Variants in SIRT5 observed in about 807,000 individuals in gnomAD.
SIRT5 encodes sirtuin 5.
A neutral mutation model predicts 40.0 loss-of-function variants in SIRT5; 26 were observed. The ratio of observed to expected loss-of-function variants is 0.65; its 90% confidence interval spans 0.48 to 0.90. The LOEUF (loss-of-function observed/expected upper bound fraction) is 0.90, where lower values mean the gene tolerates loss of function less well. SIRT5 is among the 40% of genes least tolerant of loss of function. The probability of loss-of-function intolerance (pLI) is 0.00; values close to 1 mark genes in which losing one functional copy is unlikely to be tolerated. For missense variants in SIRT5, 401 were observed against 402.4 expected, an observed-to-expected ratio of 1.00 and a Z score of 0.03; for synonymous variants, 146 against 149.1, an observed-to-expected ratio of 0.98 and a Z score of 0.15.
chr6:13,593,260 G>A (rs377596743), intron 5 of SIRT5, among the ~76,000 whole-genome samples: 2 of 152,166 alleles, frequency 1.3e-5, no homozygotes, highest in East Asian at 1.9e-4. Flanking sequence ...CACCAGTCGG[G>A]GGTGTTTGTT....
At chr6:13,608,719 T>C (rs1180589329) in intron 9 of SIRT5, among the ~76,000 whole-genome samples, 1 of 152,154 alleles carries the variant, frequency 6.6e-6, no homozygotes, top group African/African-American at 2.4e-5. Context: ...TACTAAAACA[T>C]CTTCTAGATA....
chr6:13,588,844 A>C (rs1398263175), intron 4 of SIRT5, among the ~76,000 whole-genome samples: 2 of 152,220 alleles, frequency 1.3e-5, no homozygotes, highest in Non-Finnish European at 2.9e-5. Context: ...CAGTTATTGA[A>C]GGGTTAGGAT....
intron 9 of SIRT5, among the ~76,000 whole-genome samples, chr6:13,611,266 TACAC>T: frequency 6.8e-6 from 1 of 146,760 alleles, no homozygotes; most frequent in South Asian, 2.1e-4. Context: ...CACATATATA[TACAC>T]ACACATATAT....
intron 3 of SIRT5, among the ~76,000 whole-genome samples, chr6:13,586,113 GT>G (rs1424390923): frequency 6.6e-6 from 1 of 152,172 alleles, no homozygotes; most frequent in Non-Finnish European, 1.5e-5. Context: ...TTGTAAATTT[GT>G]TTAAGTTATT....
chr6:13,607,525 A>T lies in SIRT5; in HGVS notation c.858-4265A>T, dbSNP rs1763270917. ...ATTACGTAATTTTAAATGCAGCAGG[A>T]TGATTACATTAACCAATGCAAGTGG... On this transcript the variant is annotated intron_variant, in intron 9 of 9. Transcript: ENST00000606117. This position sits in a 1 kb window ranked among gnomAD's most constrained non-coding sequence, Gnocchi z 4.0. 6.6e-6 allele frequency among the ~76,000 whole-genome samples: 1 copy of T among 152,192 alleles called. No homozygotes were observed. The highest frequency in any genetic ancestry group is 2.1e-4 in the South Asian group (1 of 4,836).
rs199661343 is a variant in SIRT5 at position 13,591,759 on chromosome 6, C to A, written c.340C>A (p.Pro114Thr). ...GCGGGAGGTCATGGGGAGCAAGGAG[C>A]CCAACGCCGGGCACCGCGCCATAGC... is the stretch of plus-strand genomic sequence containing the variant. ...YRREVMGSKE[P>T]NAGHRAIAEC... Residue 114 changes from proline (P) to threonine (T), a missense_variant, in exon 5 of 10, where the codon CCC (proline) becomes ACC (threonine). By Grantham distance (38) the Pro-to-Thr change is conservative (BLOSUM62 -1). Transcript: ENST00000606117. 65 of 1,613,616 alleles carry A rather than the reference C, an allele frequency of 4.0e-5. No individual in the cohort carries two copies. In the Middle Eastern group the frequency reaches 2.1e-3, roughly 53 times the overall value.
chr6:13,610,997 A>G (rs1763757793), intron 9 of SIRT5, among the ~76,000 whole-genome samples: 1 of 151,928 alleles, frequency 6.6e-6, no homozygotes, highest in African/African-American at 2.4e-5. Flanking sequence ...GTTTTTTTAA[A>G]CAAAAGTCCA....
At chr6:13,597,113 T>C in intron 7 of SIRT5, 97 bp downstream of exon 7, 1 of 932,728 alleles carries the variant, frequency 1.1e-6, no homozygotes. Context: ...GCAAGACGCC[T>C]CTTAAATCAA....
Position 13,600,842 on chromosome 6 carries a change from T to G in SIRT5, c.750T>G (p.Thr250=). The part of the protein sequence containing the change: ...AHCDLCLVVG[T]SSVVYPAAMF... ...GTGTACTTGCCTTGTAGGTGGGCAC[T>G]TCCTCTGTGGTGTACCCAGCAGCCA... Residue 250 remains threonine (T), a synonymous_variant, in exon 9 of 10, where the codon ACT becomes ACG. Transcript: ENST00000606117. 6.2e-7 allele frequency: 1 copy of G among 1,611,710 alleles called. No individual in the cohort carries two copies. Among genetic ancestry groups the G allele is most frequent in the Non-Finnish European group, 8.5e-7 (1 of 1,178,866 alleles).
At chr6:13,578,835 T>G (rs1220323879) in intron 1 of SIRT5, among the ~76,000 whole-genome samples, 1 of 151,888 alleles carries the variant, frequency 6.6e-6, no homozygotes, top group Admixed American at 6.6e-5. Context: ...ATCTGTTAGG[T>G]GAGTTTCAGA....
intron 9 of SIRT5, chr6:13,604,723 C>G: frequency 1.5e-6 from 2 of 1,352,808 alleles, no homozygotes; most frequent in Non-Finnish European, 1.9e-6. Context: ...CCTGCCAGTT[C>G]AGGAGAGATT....
Position 13,615,088 on chromosome 6 carries a change from G to A in SIRT5, c.*3223G>A. 2.3e-6 allele frequency: 1 copy of A among 431,490 alleles called. No individual in the cohort carries two copies. Among genetic ancestry groups the A allele is most frequent in the Non-Finnish European group, 4.1e-6 (1 of 243,446 alleles). 26.7% of individuals were successfully genotyped at this position (431,490 alleles called of 1,614,324 possible). Reference sequence around the variant, plus strand: ...CCCAGCCGAGGAGGGCAGCGCGATGGCTCTTCCCTGCCTTGAAATCAACCC... The same window carrying A: ...CCCAGCCGAGGAGGGCAGCGCGATGACTCTTCCCTGCCTTGAAATCAACCC... On this transcript the variant is annotated 3_prime_UTR_variant, in exon 10 of 10. Coordinates refer to ENST00000606117, the MANE Select transcript of SIRT5 (RefSeq NM_012241.5).
At chr6:13,600,405 T>C (rs921160437) in intron 8 of SIRT5, among the ~76,000 whole-genome samples, 12 of 152,230 alleles carry the variant, frequency 7.9e-5, no homozygotes, top group Non-Finnish European at 1.5e-4. Flanking sequence ...AGGACATACA[T>C]GAAAATGTTA....
chr6:13,574,520 G>A (rs1276392036), upstream of SIRT5: 14 of 152,136 alleles, frequency 9.2e-5, no homozygotes, highest in African/African-American at 3.4e-4. Flanking sequence ...CTAGCGGTTG[G>A]AGGAAGGGAT....
Position 13,591,090 on chromosome 6 carries a change from TGTG to T in SIRT5, c.250-578_250-576del, listed in dbSNP as rs375121402. 3.2e-3 allele frequency among the ~76,000 whole-genome samples: 491 copies of T among 151,788 alleles called. 5 individuals are homozygous for T. The highest frequency in any genetic ancestry group is 0.011 in the African/African-American group (461 of 41,394). ...CTAGTTGTGTGTATGTGTGTGCAGT[TGTG>T]TGTGTGTAGATATGTGTAGTGTGTA... On this transcript the variant is annotated intron_variant, in intron 4 of 9. Transcript: ENST00000606117.
intron 4 of SIRT5, chr6:13,589,501 T>C (rs1351930863): frequency 1.3e-5 from 2 of 152,242 alleles, no homozygotes; most frequent in Non-Finnish European, 2.9e-5. Flanking sequence ...TTAATGGATT[T>C]TCGTTGGCTG....
At chr6:13,588,543 C>A in intron 4 of SIRT5, 79 bp downstream of exon 4, 2 of 1,474,704 alleles carry the variant, frequency 1.4e-6, no homozygotes, top group Non-Finnish European at 9.1e-7. Context: ...CTATACCGAT[C>A]CCCGAAACCC....
chr6:13,604,844 A>G (rs1441946479), intron 9 of SIRT5: 5 of 1,051,362 alleles, frequency 4.8e-6, no homozygotes, highest in Non-Finnish European at 5.7e-6. Flanking sequence ...TTGAAAACCT[A>G]TGATTGTCTC....
At position 13,583,608 on chromosome 6, in the gene SIRT5, A is replaced by T. The variant is rs1280821342; in HGVS notation, c.-35-468A>T. ...TGCACCTGGCTTCATACCTTTTGAA[A>T]AGCAGCAAGTTTTCAAATGAATTCT... On this transcript the variant is annotated intron_variant, in intron 2 of 9. Transcript: ENST00000606117. Among the ~76,000 whole-genome samples the T allele has an allele frequency of 2.0e-5, 3 of 152,292 alleles. No individual in the cohort carries two copies. The East Asian group carries it at 5.8e-4, about 29-fold the overall frequency.
Sources: gnomAD v4.1 joint callset for allele counts (sites outside exome capture counted in the v4.1 genomes callset) on GRCh38, gnomAD v4.1.1 for gene constraint, Gnocchi (gnomAD v3.1) non-coding constraint, MANE v1.5 for transcripts, NCBI Gene and HGNC (gene_info 2026-07-23, HGNC 2026-07-21) for gene names.